Variants in SULT1B1 observed in about 807,000 individuals in gnomAD.
SULT1B1 encodes sulfotransferase family 1B member 1.
A neutral mutation model predicts 34.6 loss-of-function variants in SULT1B1; 28 were observed. The ratio of observed to expected loss-of-function variants is 0.81; its 90% CI spans 0.60 to 1.11. SULT1B1 has a LOEUF of 1.11. SULT1B1 is among the 50% of genes least tolerant of loss of function. SULT1B1 has a pLI of 0.00. For missense variants in SULT1B1, 374 were observed against 352.2 expected (o/e 1.06, Z -0.50); for synonymous variants, 147 against 110.2 (o/e 1.33, Z -2.09).
At position 69,730,634 on chromosome 4, in the gene SULT1B1, G is replaced by A; in HGVS notation, c.645C>T (p.Asn215=). Residue 215 remains asparagine, a synonymous_variant, in exon 7 of 8, where the codon AAC becomes AAT. Transcript: ENST00000310613. ...TCCTATCCAAGATCTCATCATTCAG[G>A]TTCTTCTCTAGAAATCTAATGATCT... is the stretch of plus-strand genomic sequence containing the variant. ...IKKIIRFLEK[N]LNDEILDRII... 1.2e-6 allele frequency: 2 copies of A among 1,612,986 alleles called. No individual in the cohort carries two copies. The highest frequency in any genetic ancestry group is 1.1e-5 in the South Asian group (1 of 90,988).
intron 1 of SULT1B1, among the ~76,000 whole-genome samples, chr4:69,759,008 C>T (rs959440492): frequency 5.9e-5 from 9 of 152,180 alleles, no homozygotes; most frequent in African/African-American, 2.2e-4. Flanking sequence ...TTTGTTTGCA[C>T]TTAAAACTTG....
At chr4:69,744,462 C>T (rs1031606559) in intron 4 of SULT1B1, among the ~76,000 whole-genome samples, 3 of 152,210 alleles carry the variant, frequency 2.0e-5, no homozygotes, top group Admixed American at 1.3e-4. Flanking sequence ...CCTGCAGCCG[C>T]TCCTGCCACC....
At chr4:69,742,131 T>C (rs1374023016) in intron 4 of SULT1B1, among the ~76,000 whole-genome samples, 1 of 152,228 alleles carries the variant, frequency 6.6e-6, no homozygotes, top group Non-Finnish European at 1.5e-5. Context: ...TGAAATGATT[T>C]TGTGGTTTTT....
Position 69,725,042 on chromosome 4 carries a change from G to A in SULT1B1, c.*2046C>T, listed in dbSNP as rs1037408808. ...AAATGGGATCTAATTAAACTAAAGA[G>A]CTTCTGCACAGCAAAAGAAACTACC... On this transcript the variant is annotated 3_prime_UTR_variant, in exon 8 of 8. Transcript: ENST00000310613. 2.6e-5 allele frequency: 4 copies of A among 151,872 alleles called. No individual in the cohort carries two copies. Among genetic ancestry groups the A allele is most frequent in the African/African-American group, 9.7e-5 (4 of 41,214 alleles). The allele number at this position is 151,872 out of a possible 1,614,324, so 9.4% of individuals were successfully genotyped here.
chr4:69,757,308 A>G (rs1719228967), intron 1 of SULT1B1, among the ~76,000 whole-genome samples: 1 of 152,096 alleles, frequency 6.6e-6, no homozygotes, highest in Admixed American at 6.5e-5. Context: ...ATTGCATAAT[A>G]TCTTAGATGA....
intron 5 of SULT1B1, 26 bp from the exon 6 acceptor site, chr4:69,733,533 C>A: frequency 6.8e-7 from 1 of 1,465,296 alleles, no homozygotes; most frequent in Non-Finnish European, 9.3e-7. Context: ...AGTCTATTTT[C>A]ATAAACATTC....
At position 69,723,877 on chromosome 4, in the gene SULT1B1, A is replaced by G. The variant is rs1717726575; in HGVS notation, c.*3211T>C. 6.6e-6 allele frequency: 1 copy of G among 152,232 alleles called. No homozygotes were observed. The highest frequency in any genetic ancestry group is 6.5e-5 in the Admixed American group (1 of 15,276). 9.4% of individuals were successfully genotyped at this position (152,232 alleles called of 1,614,324 possible). ...TTAGGTATTGATGGAATGTATCTCA[A>G]AATAAGGAGAGCCCTCTATGACAAA... is the stretch of plus-strand genomic sequence containing the variant. On this transcript the variant is annotated 3_prime_UTR_variant, in exon 8 of 8. Coordinates refer to ENST00000310613, the MANE Select transcript of SULT1B1 (RefSeq NM_014465.4).
chr4:69,749,942 A>G (rs1024382231), intron 3 of SULT1B1, 124 bp from the exon 4 acceptor site: 11 of 657,576 alleles, frequency 1.7e-5, no homozygotes, highest in Non-Finnish European at 3.0e-5. Context: ...ATTCTGAAAC[A>G]ATCACAGGCA....
At chr4:69,758,898 C>T (rs901664994) in intron 1 of SULT1B1, among the ~76,000 whole-genome samples, 3 of 152,030 alleles carry the variant, frequency 2.0e-5, no homozygotes, top group Admixed American at 6.5e-5. Flanking sequence ...ATGTACAAGC[C>T]CCATGTGTTA....
intron 4 of SULT1B1, 21 bp downstream of exon 4, chr4:69,749,700 G>A (rs934999456): frequency 7.6e-6 from 12 of 1,570,406 alleles, no homozygotes; most frequent in Non-Finnish European, 1.1e-5. Context: ...CTAAAAAACT[G>A]ACATGGAGTC....
chr4:69,725,714 C>A lies in SULT1B1; in HGVS notation c.*1374G>T, dbSNP rs1367718282. 2 of 152,048 alleles carry A rather than the reference C, an allele frequency of 1.3e-5. No homozygotes were observed. Among genetic ancestry groups the A allele is most frequent in the Non-Finnish European group, 2.9e-5 (2 of 67,988 alleles). The allele number at this position is 152,048 out of a possible 1,614,324, so 9.4% of individuals were successfully genotyped here. On this transcript the variant is annotated 3_prime_UTR_variant, in exon 8 of 8. Transcript: ENST00000310613. ...CCATAAAAAATGATGAGTTCATGTCCTTTGTAGGGACATGGATAAAGCTGG... is the reference window on the plus strand; with the variant it reads ...CCATAAAAAATGATGAGTTCATGTCATTTGTAGGGACATGGATAAAGCTGG...
intron 1 of SULT1B1, among the ~76,000 whole-genome samples, chr4:69,756,130 AAT>A (rs751007933): frequency 7.2e-5 from 11 of 152,036 alleles, no homozygotes; most frequent in Non-Finnish European, 1.6e-4. Context: ...GTTCAATTTC[AAT>A]ATGTTTATTT....
At chr4:69,740,443 T>C (rs974425592) in intron 4 of SULT1B1, among the ~76,000 whole-genome samples, 19 of 152,182 alleles carry the variant, frequency 1.2e-4, no homozygotes, top group African/African-American at 4.1e-4. Context: ...TTGTGAGAAC[T>C]CACTCACTAT....
chr4:69,746,065 G>A (rs1718735211), intron 4 of SULT1B1, among the ~76,000 whole-genome samples: 1 of 152,190 alleles, frequency 6.6e-6, no homozygotes, highest in Admixed American at 6.5e-5. Context: ...GATTTCTGCT[G>A]AATAGTCCAC....
rs1472304548 is a variant in SULT1B1 at position 69,722,413 on chromosome 4, T to C, written c.*4675A>G. ...GAAATCCGTATATATTCAGGCCACA[T>C]TAACTTATTATTTAATAAAGATAAT... On this transcript the variant is annotated 3_prime_UTR_variant, in exon 8 of 8. Transcript: ENST00000310613. 1 of 152,120 alleles carries C rather than the reference T, an allele frequency of 6.6e-6. No individual in the cohort carries two copies. Among genetic ancestry groups the C allele is most frequent in the African/African-American group, 2.4e-5 (1 of 41,430 alleles). The allele number at this position is 152,120 out of a possible 1,614,324, so 9.4% of individuals were successfully genotyped here.
At position 69,722,602 on chromosome 4, in the gene SULT1B1, A is replaced by G. The variant is rs1274636806; in HGVS notation, c.*4486T>C. The G allele has an allele frequency of 6.6e-6, 1 of 152,178 alleles. No homozygotes were observed. The highest frequency in any genetic ancestry group is 2.4e-5 in the African/African-American group (1 of 41,462). The allele number at this position is 152,178 out of a possible 1,614,324, so 9.4% of individuals were successfully genotyped here. ...TATACTCTAAAATACTTTATAAAACATATTGTAATAAATCTATAGAAGCAA... is the reference window on the plus strand; with the variant it reads ...TATACTCTAAAATACTTTATAAAACGTATTGTAATAAATCTATAGAAGCAA... On this transcript the variant is annotated 3_prime_UTR_variant, in exon 8 of 8. Coordinates refer to ENST00000310613, the MANE Select transcript of SULT1B1 (RefSeq NM_014465.4).
rs888335732 is a variant in SULT1B1 at position 69,727,273 on chromosome 4, A to C, written c.779-73T>G. On this transcript the variant is annotated intron_variant, in intron 7 of 7. Transcript: ENST00000310613. Reference sequence around the variant, plus strand: ...GAAGAAATCAGTATATACCAAAGGAAAAGATTAGAAGGCCTAAAGAAAGAC... The same window carrying C: ...GAAGAAATCAGTATATACCAAAGGACAAGATTAGAAGGCCTAAAGAAAGAC... 60 of 1,155,776 alleles carry C rather than the reference A, an allele frequency of 5.2e-5. No individual in the cohort carries two copies. The Middle Eastern group carries it at 8.5e-4, about 16-fold the overall frequency. 71.6% of individuals were successfully genotyped at this position (1,155,776 alleles called of 1,614,324 possible). A position where few individuals can be genotyped will look rare whatever the true frequency, so the allele number is the denominator to read the frequency against.
intron 4 of SULT1B1, among the ~76,000 whole-genome samples, chr4:69,739,171 G>GCC (rs1329742378): frequency 6.6e-6 from 1 of 152,124 alleles, no homozygotes; most frequent in Non-Finnish European, 1.5e-5. Flanking sequence ...AGGGTCTGGG[G>GCC]GATGGTGGCC....
In SULT1B1 at chr4:69,724,085, G is replaced by T. The variant is rs1365335749; in HGVS notation, c.*3003C>A. 1 of 152,154 alleles carries T rather than the reference G, an allele frequency of 6.6e-6. No homozygotes were observed. Among genetic ancestry groups the T allele is most frequent in the Non-Finnish European group, 1.5e-5 (1 of 68,030 alleles). 9.4% of individuals were successfully genotyped at this position (152,154 alleles called of 1,614,324 possible). Reference sequence around the variant, plus strand: ...AATTAGGAGAAGAGGAAGTCAAATTGTCCCTGTTTGCAGATGACATGATTG... The same window carrying T: ...AATTAGGAGAAGAGGAAGTCAAATTTTCCCTGTTTGCAGATGACATGATTG... On this transcript the variant is annotated 3_prime_UTR_variant, in exon 8 of 8. Transcript: ENST00000310613.
Sources: allele counts gnomAD v4.1 joint callset (sites outside exome capture counted in the v4.1 genomes callset), GRCh38; gene constraint gnomAD v4.1.1; transcripts MANE v1.5; gene names NCBI Gene and HGNC (gene_info 2026-07-23, HGNC 2026-07-21).